GPATCH1: variants seen among roughly 807,000 people sequenced by gnomAD.
GPATCH1 encodes the protein G patch domain-containing protein 1.
In GPATCH1, 73 loss-of-function variants were observed where a neutral mutation model predicts 114.9. The observed-to-expected ratio is 0.64, with a 90% CI of 0.53 to 0.77. The LOEUF is 0.77. Ranked by LOEUF, GPATCH1 falls within the 30% of genes least tolerant of loss-of-function variation. The probability of loss-of-function intolerance (pLI) is 0.00; values close to 1 mark genes in which losing one functional copy is unlikely to be tolerated. For missense variants in GPATCH1, 1,058 were observed against 1,144.3 expected, an observed-to-expected ratio of 0.92 and a Z score of 1.09; for synonymous variants, 391 against 428.4, an observed-to-expected ratio of 0.91 and a Z score of 1.08.
chr19:33,113,907 AG>A lies in GPATCH1; in HGVS notation c.2029+5del. On this transcript the variant is annotated splice_donor_5th_base_variant and intron_variant, in intron 14 of 19. Coordinates refer to ENST00000170564, the MANE Select transcript of GPATCH1 (RefSeq NM_018025.3). ...TCACAGCACCGAGGTCCCGACAGTG[AG>A]TAGGGCGTCCCCGGGGTCTCTGATT... is the stretch of plus-strand genomic sequence containing the variant. 6.2e-7 allele frequency: 1 copy of A among 1,613,786 alleles called. No homozygotes were observed. Among genetic ancestry groups the A allele is most frequent in the Non-Finnish European group, 8.5e-7 (1 of 1,179,780 alleles).
At chr19:33,119,786 G>T (rs1972956757) in intron 17 of GPATCH1, among the ~76,000 whole-genome samples, 2 of 151,380 alleles carry the variant, frequency 1.3e-5, no homozygotes, top group South Asian at 4.1e-4. Flanking sequence ...TTGGGAGGGC[G>T]AGGTGGGAGG....
At chr19:33,115,147 G>A (rs1207055675) in intron 15 of GPATCH1, among the ~76,000 whole-genome samples, 2 of 146,616 alleles carry the variant, frequency 1.4e-5, no homozygotes, top group Admixed American at 6.9e-5. Context: ...CTGCAGGCTC[G>A]AACGCCCAGG....
Position 33,097,757 on chromosome 19 carries a change from T to C in GPATCH1, c.855T>C (p.Ala285=), listed in dbSNP as rs1410140222. ...KGRKLGISGQ[A]FGVGALEEED... The stretch of plus-strand genomic sequence containing the variant: ...TTTGAAACCTTGTTTTTTTAAAGGC[T>C]TTTGGTGTAGGTGCCCTGGAAGAGG... Residue 285 remains alanine, a splice_region_variant and synonymous_variant, in exon 8 of 20, where the codon GCT becomes GCC. Transcript: ENST00000170564. The C allele has an allele frequency of 1.2e-6, 2 of 1,613,574 alleles. No individual in the cohort carries two copies.
chr19:33,108,242 C>T (rs1237922157), intron 10 of GPATCH1, among the ~76,000 whole-genome samples: 2 of 152,160 alleles, frequency 1.3e-5, no homozygotes, highest in Non-Finnish European at 2.9e-5. Context: ...GTTCCCCTCA[C>T]CAGCAGCTGG....
chr19:33,093,347 A>AT lies in GPATCH1; in HGVS notation c.295-5dup. 1 of 1,587,824 alleles carries AT rather than the reference A, an allele frequency of 6.3e-7. No individual in the cohort carries two copies. Among genetic ancestry groups the AT allele is most frequent in the Non-Finnish European group, 8.6e-7 (1 of 1,157,022 alleles). Reference sequence around the variant, plus strand: ...TTCCAAATAATGTAATTCTGTTTGAATTTTTTTGAAGGATCTTAGTGAATT... The same window carrying AT: ...TTCCAAATAATGTAATTCTGTTTGAATTTTTTTTGAAGGATCTTAGTGAATT... On this transcript the variant is annotated splice_polypyrimidine_tract_variant and intron_variant, in intron 3 of 19. Coordinates refer to ENST00000170564, the MANE Select transcript of GPATCH1 (RefSeq NM_018025.3).
intron 17 of GPATCH1, among the ~76,000 whole-genome samples, chr19:33,120,066 TA>T (rs1972961793): frequency 7.5e-6 from 1 of 133,904 alleles, no homozygotes; most frequent in African/African-American, 2.7e-5. Flanking sequence ...TACTTATATA[TA>T]TATAAAATAT....
At chr19:33,122,414 TC>T (rs1254108740) in intron 17 of GPATCH1, among the ~76,000 whole-genome samples, 1 of 150,986 alleles carries the variant, frequency 6.6e-6, no homozygotes, top group Non-Finnish European at 1.5e-5. Flanking sequence ...AAGCTGCGCC[TC>T]CCAGGTTCAC....
chr19:33,090,780 G>A lies in GPATCH1; in HGVS notation c.209G>A (p.Gly70Glu). The stretch of plus-strand genomic sequence containing the variant: ...AAGTTCTAAACTCTTTTTTTTTCAG[G>A]ATGGACACCCTCTACCTTTGTGTCT... The part of the protein sequence containing the change: ...GYFNTVGSKE[G>E]WTPSTFVSSR... The change falls in exon 3 of 20, where the codon GGA (glycine) becomes GAA (glutamate). Residue 70 changes from glycine (G) to glutamate (E), a missense_variant and splice_region_variant. Transcript: ENST00000170564. 1 of 1,601,748 alleles carries A rather than the reference G, an allele frequency of 6.2e-7. No individual in the cohort carries two copies. Among genetic ancestry groups the A allele is most frequent in the Non-Finnish European group, 8.5e-7 (1 of 1,170,674 alleles).
intron 19 of GPATCH1, among the ~76,000 whole-genome samples, chr19:33,127,871 G>A (rs895228104): frequency 1.3e-5 from 2 of 151,716 alleles, no homozygotes; most frequent in African/African-American, 4.8e-5. Flanking sequence ...CCCACACCCA[G>A]CTAATTTTTG....
intron 19 of GPATCH1, among the ~76,000 whole-genome samples, chr19:33,126,941 A>G (rs1973048528): frequency 6.6e-6 from 1 of 151,616 alleles, no homozygotes; most frequent in Non-Finnish European, 1.5e-5. Context: ...ACATAGTGAG[A>G]CCCCAGCTCT....
intron 3 of GPATCH1, among the ~76,000 whole-genome samples, chr19:33,092,372 G>T (rs1682285877): frequency 6.6e-6 from 1 of 152,114 alleles, no homozygotes. Flanking sequence ...TAAAAGCAAA[G>T]TAGCCTTTCA....
Position 33,118,061 on chromosome 19 carries a change from T to C in GPATCH1, c.2413+20T>C. The C allele has an allele frequency of 6.5e-7, 1 of 1,548,930 alleles. No homozygotes were observed. The highest frequency in any genetic ancestry group is 8.9e-7 in the Non-Finnish European group (1 of 1,120,862). The stretch of plus-strand genomic sequence containing the variant: ...CTCACGGTATGTCAGTATTTCAGAC[T>C]CGGGGATCTAAAGGAGAAGACAATG... On this transcript the variant is annotated intron_variant, in intron 16 of 19. Coordinates refer to ENST00000170564, the MANE Select transcript of GPATCH1 (RefSeq NM_018025.3).
rs574722828 is a variant in GPATCH1, at chr19:33,090,960, C to T, written c.294+95C>T. 4.5e-5 allele frequency: 33 copies of T among 730,490 alleles called. 2 individuals are homozygous for T. Among genetic ancestry groups the T allele is most frequent in the South Asian group, 3.1e-4 (21 of 67,840 alleles). The allele number at this position is 730,490 out of a possible 1,614,324, so 45.3% of individuals were successfully genotyped here. On this transcript the variant is annotated intron_variant, in intron 3 of 19. Coordinates refer to ENST00000170564, the MANE Select transcript of GPATCH1 (RefSeq NM_018025.3). Reference sequence around the variant, plus strand: ...CTCTCTCCCCAGAAGGTCCAATGTACGATTTCCTCTTTGTTTGTAAGGCTT... The same window carrying T: ...CTCTCTCCCCAGAAGGTCCAATGTATGATTTCCTCTTTGTTTGTAAGGCTT...
chr19:33,085,482 G>A (rs774629841), intron 1 of GPATCH1, among the ~76,000 whole-genome samples: 4 of 152,052 alleles, frequency 2.6e-5, no homozygotes, highest in Non-Finnish European at 5.9e-5. Flanking sequence ...AAAGTGCTGG[G>A]ATTACAGGTG....
chr19:33,114,210 T>C, intron 14 of GPATCH1, 43 bp from the exon 15 acceptor site: 1 of 1,543,250 alleles, frequency 6.5e-7, no homozygotes, highest in Non-Finnish European at 8.9e-7. Flanking sequence ...ACTGGCCTTT[T>C]CCTTGCTAAT....
intron 10 of GPATCH1, among the ~76,000 whole-genome samples, chr19:33,108,810 G>T (rs1972816807): frequency 6.6e-6 from 1 of 152,176 alleles, no homozygotes; most frequent in Non-Finnish European, 1.5e-5. Flanking sequence ...CTCGGAACCA[G>T]GGCTAGTGGT....
At chr19:33,107,720 T>A (rs1378285421) in intron 10 of GPATCH1, among the ~76,000 whole-genome samples, 1 of 152,112 alleles carries the variant, frequency 6.6e-6, no homozygotes, top group East Asian at 1.9e-4. Context: ...GAACCCTTGG[T>A]TCCCCACCCC....
intron 8 of GPATCH1, 86 bp downstream of exon 8, chr19:33,097,988 A>G: frequency 8.1e-7 from 1 of 1,240,014 alleles, no homozygotes; most frequent in South Asian, 1.3e-5. Flanking sequence ...CAGGAGCACC[A>G]GCCTCTGTTG....
chr19:33,095,621 T>C, intron 5 of GPATCH1, 141 bp from the exon 6 acceptor site: 1 of 671,626 alleles, frequency 1.5e-6, no homozygotes, highest in Non-Finnish European at 2.7e-6. Flanking sequence ...AGGCTGGTCT[T>C]GAACTCCTGG....
Sources: gnomAD v4.1 joint callset for allele counts (sites outside exome capture counted in the v4.1 genomes callset) on GRCh38, gnomAD v4.1.1 for gene constraint, MANE v1.5 for transcripts, NCBI Gene and HGNC (gene_info 2026-07-23, HGNC 2026-07-21) for gene names.